The following TENM3 variants were observed in gnomAD, a reference collection of about 807,000 sequenced individuals.
The protein encoded by TENM3 is teneurin-3.
In TENM3, 63 loss-of-function variants were observed where a neutral mutation model predicts 255.1. The observed-to-expected ratio is 0.25, with a 90% CI of 0.20 to 0.30. The LOEUF (loss-of-function observed/expected upper bound fraction) is 0.30. TENM3 is among the 10% of genes least tolerant of loss of function. The pLI, the probability that TENM3 is intolerant of heterozygous loss-of-function variation, is 1.00. For synonymous variants in TENM3, 1,306 were observed against 1,322.3 expected (o/e 0.99, Z 0.27); for missense variants, 2,929 against 3,461.1 (o/e 0.85, Z 3.86).
At chr4:182,392,624 C>T (rs747889447) in intron 3 of TENM3, among the ~76,000 whole-genome samples, 1 of 152,014 alleles carries the variant, frequency 6.6e-6, no homozygotes, top group Non-Finnish European at 1.5e-5. Flanking sequence ...GCGCTGAGAG[C>T]GGAAGGGAGA....
chr4:181,958,886 G>T, the TENM3 span, among the ~76,000 whole-genome samples: 14 of 152,146 alleles, frequency 9.2e-5, no homozygotes, highest in Non-Finnish European at 1.9e-4. Context: ...AGTGCACAGG[G>T]TTAATGGATG....
At chr4:181,466,402 C>T in the TENM3 span, among the ~76,000 whole-genome samples, 1 of 152,116 alleles carries the variant, frequency 6.6e-6, no homozygotes, top group Admixed American at 6.5e-5. Context: ...AGGCATGAGC[C>T]ACCGCGCCTG....
the TENM3 span, among the ~76,000 whole-genome samples, chr4:181,622,391 C>T: frequency 1.3e-5 from 2 of 152,070 alleles, no homozygotes; most frequent in Admixed American, 6.6e-5. Context: ...AATACTATAA[C>T]TAGGCCAGGC....
the TENM3 span, among the ~76,000 whole-genome samples, chr4:181,565,536 G>A: frequency 1.3e-5 from 2 of 152,196 alleles, no homozygotes; most frequent in Non-Finnish European, 2.9e-5. Context: ...CGAAGTATGT[G>A]CAGAATATTA....
rs145056407 is a variant in TENM3 at position 182,794,442 on chromosome 4, C to A, written c.7213+557C>A. Among the ~76,000 whole-genome samples the A allele has an allele frequency of 1.9e-3, 285 of 152,258 alleles. 1 individual carries two copies. The highest frequency in any genetic ancestry group is 6.2e-3 in the African/African-American group (259 of 41,538). On this transcript the variant is annotated intron_variant, in intron 26 of 27. Transcript: ENST00000511685. ...AGGTGAAACACAATACAAGGTGACA[C>A]CATTTCATCCCTGGGAGGTGTTTAA...
chr4:182,583,314 G>A (rs898389402), intron 3 of TENM3, among the ~76,000 whole-genome samples: 2 of 150,794 alleles, frequency 1.3e-5, no homozygotes, highest in African/African-American at 4.9e-5. Context: ...CATAGAGTTA[G>A]CAACTGAAGC....
At chr4:182,452,458 A>G (rs992448400) in intron 3 of TENM3, among the ~76,000 whole-genome samples, 2 of 152,212 alleles carry the variant, frequency 1.3e-5, no homozygotes, top group Non-Finnish European at 2.9e-5. Flanking sequence ...AACTGCAGTC[A>G]CAAATACAAG....
chr4:181,448,403 C>T, the TENM3 span, among the ~76,000 whole-genome samples: 18,584 of 149,588 alleles, frequency 0.12, 1,344 homozygotes, highest in East Asian at 0.26. Context: ...GATCTCCTGA[C>T]CTCGTGATCC....
chr4:181,597,157 C>G, the TENM3 span, among the ~76,000 whole-genome samples: 4 of 152,170 alleles, frequency 2.6e-5, no homozygotes, highest in Non-Finnish European at 5.9e-5. Context: ...GGCTACCATG[C>G]CTAACATTAA....
chr4:182,163,641 A>G (rs777479654), intron 1 of TENM3, among the ~76,000 whole-genome samples: 38 of 152,226 alleles, frequency 2.5e-4, no homozygotes, highest in Non-Finnish European at 4.4e-4. Flanking sequence ...TTCTAGGAGT[A>G]GGAAGGAATT....
intron 3 of TENM3, among the ~76,000 whole-genome samples, chr4:182,374,702 A>G (rs569475252): frequency 2.2e-4 from 34 of 152,266 alleles, no homozygotes; most frequent in African/African-American, 7.9e-4. Context: ...TAGGAGGTGT[A>G]TATATTACTT....
chr4:181,526,565 G>T, the TENM3 span, among the ~76,000 whole-genome samples: 9 of 152,254 alleles, frequency 5.9e-5, no homozygotes, highest in African/African-American at 2.2e-4. Flanking sequence ...TCCATCTGGG[G>T]TGCCATAGTA....
intron 18 of TENM3, 61 bp downstream of exon 18, chr4:182,738,605 G>A: frequency 1.4e-6 from 2 of 1,400,256 alleles, no homozygotes; most frequent in Non-Finnish European, 9.6e-7. Context: ...AGCTAATGTT[G>A]CCCACTTTCC....
chr4:182,482,596 C>A (rs1318812941), intron 3 of TENM3, among the ~76,000 whole-genome samples: 5 of 152,076 alleles, frequency 3.3e-5, no homozygotes, highest in Admixed American at 2.6e-4. Flanking sequence ...GAGAAAATTT[C>A]TTTCTTAACC....
chr4:182,562,741 T>C (rs1189167099), intron 3 of TENM3, among the ~76,000 whole-genome samples: 1 of 152,104 alleles, frequency 6.6e-6, no homozygotes. Flanking sequence ...TCTGTTATTA[T>C]ATCCAACTTT....
chr4:182,633,642 G>A (rs138922984), intron 5 of TENM3, among the ~76,000 whole-genome samples: 91 of 152,318 alleles, frequency 6.0e-4, no homozygotes, highest in African/African-American at 1.8e-3. Context: ...TTACTGTGCC[G>A]GGCGCTGTTC....
the TENM3 span, among the ~76,000 whole-genome samples, chr4:181,589,194 T>C: frequency 1.3e-5 from 2 of 152,202 alleles, no homozygotes; most frequent in Non-Finnish European, 2.9e-5. Context: ...CAAAATAAAT[T>C]TGATCAGGGA....
chr4:181,676,813 C>T, the TENM3 span, among the ~76,000 whole-genome samples: 2 of 152,064 alleles, frequency 1.3e-5, no homozygotes, highest in African/African-American at 4.8e-5. Context: ...CAAAATGATT[C>T]ACTTTGATAA....
chr4:182,465,292 T>C (rs1437993819), intron 3 of TENM3, among the ~76,000 whole-genome samples: 1 of 152,176 alleles, frequency 6.6e-6, no homozygotes, highest in Non-Finnish European at 1.5e-5. Flanking sequence ...TGGGAGGGTA[T>C]GAGGAGCTTG....
Sources: gnomAD v4.1 joint callset for allele counts (sites outside exome capture counted in the v4.1 genomes callset) on GRCh38, gnomAD v4.1.1 for gene constraint, MANE v1.5 for transcripts, NCBI Gene and HGNC (gene_info 2026-07-23, HGNC 2026-07-21) for gene names.